Variants in FRMD3 observed in about 807,000 individuals in gnomAD.
The protein encoded by FRMD3 is FERM domain containing 3.
A neutral mutation model predicts 70.2 loss-of-function variants in FRMD3; 33 were observed. The observed-to-expected ratio is 0.47, with a 90% CI of 0.36 to 0.63. The LOEUF (loss-of-function observed/expected upper bound fraction) is 0.63, where lower values mean the gene tolerates loss of function less well. Ranked by LOEUF, FRMD3 falls within the 20% of genes least tolerant of loss-of-function variation. FRMD3 has a pLI of 0.00. For synonymous variants in FRMD3, 279 were observed against 255.9 expected (o/e 1.09, Z -0.86); for missense variants, 632 against 711.4 (o/e 0.89, Z 1.27).
rs1417121959 is a variant in FRMD3, at chr9:83,246,192, G to C, written c.*1726C>G. ...GGGTTGGAATGTCATTAGCTAGAGA[G>C]AGCGATTCCAAGTGGGCCCTGTAAC... On this transcript the variant is annotated 3_prime_UTR_variant, in exon 14 of 14. Transcript: ENST00000304195. 3 of 985,058 alleles carry C rather than the reference G, an allele frequency of 3.0e-6. No homozygotes were observed. Among genetic ancestry groups the C allele is most frequent in the Admixed American group, 6.2e-5 (1 of 16,260 alleles). 61.0% of individuals were successfully genotyped at this position (985,058 alleles called of 1,614,324 possible). A position where few individuals can be genotyped will look rare whatever the true frequency, so the allele number is the denominator to read the frequency against.
chr9:83,545,346 GTTTTTTT>G, the FRMD3 span, among the ~76,000 whole-genome samples: 1 of 117,296 alleles, frequency 8.5e-6, no homozygotes, highest in African/African-American at 3.0e-5. Flanking sequence ...GAAAAGTGTT[GTTTTTTT>G]TTGTTTTTTT....
chr9:83,487,374 A>C lies in FRMD3; in HGVS notation c.147+50711T>G, dbSNP rs373576488. Among the ~76,000 whole-genome samples the C allele has an allele frequency of 2.0e-5, 3 of 152,188 alleles. No individual in the cohort carries two copies. In the South Asian group the frequency reaches 6.2e-4, roughly 31 times the overall value. On this transcript the variant is annotated intron_variant, in intron 1 of 13. Transcript: ENST00000304195. The stretch of plus-strand genomic sequence containing the variant: ...CCCCAAAAAACAGCCTATCTCACAG[A>C]ATAAGAAAGAGCTTAAGACTTTCTT...
At chr9:83,556,577 A>G in the FRMD3 span, among the ~76,000 whole-genome samples, 1 of 152,132 alleles carries the variant, frequency 6.6e-6, no homozygotes, top group South Asian at 2.1e-4. Flanking sequence ...TCTGGATATT[A>G]TTTGCTATTA....
chr9:83,334,671 T>C (rs1823517315), intron 6 of FRMD3, among the ~76,000 whole-genome samples: 1 of 152,170 alleles, frequency 6.6e-6, no homozygotes, highest in South Asian at 2.1e-4. Flanking sequence ...AGCTACAGAC[T>C]AGACTACTTG....
chr9:83,507,492 C>G (rs1829212722), intron 1 of FRMD3, among the ~76,000 whole-genome samples: 1 of 149,544 alleles, frequency 6.7e-6, no homozygotes, highest in Admixed American at 6.7e-5. Context: ...AAGGTGAAAC[C>G]CCGTCTCTAC....
intron 1 of FRMD3, among the ~76,000 whole-genome samples, chr9:83,438,685 C>A (rs1827210488): frequency 6.6e-6 from 1 of 152,224 alleles, no homozygotes; most frequent in Non-Finnish European, 1.5e-5. Context: ...CAGGCGTGAG[C>A]CACCGCATCC....
intron 1 of FRMD3, among the ~76,000 whole-genome samples, chr9:83,408,364 T>A (rs75386076): frequency 6.6e-6 from 1 of 151,690 alleles, no homozygotes; most frequent in Non-Finnish European, 1.5e-5. Context: ...AAAAAAAAAA[T>A]ATCACAAACA....
intron 1 of FRMD3, among the ~76,000 whole-genome samples, chr9:83,513,488 G>T (rs1343525935): frequency 1.3e-5 from 2 of 152,220 alleles, no homozygotes; most frequent in African/African-American, 4.8e-5. Flanking sequence ...AAGAGAAACT[G>T]CTGATTAAAA....
the FRMD3 span, among the ~76,000 whole-genome samples, chr9:83,577,855 G>A: frequency 5.9e-5 from 9 of 151,732 alleles, no homozygotes; most frequent in African/African-American, 1.7e-4. Flanking sequence ...AATAAATGGA[G>A]ACCAGAAAAT....
intron 1 of FRMD3, among the ~76,000 whole-genome samples, chr9:83,521,262 TAACTA>T (rs1829566107): frequency 6.6e-6 from 1 of 152,162 alleles, no homozygotes; most frequent in African/African-American, 2.4e-5. Context: ...TTTAAAACCT[TAACTA>T]AAGAACTGGC....
chr9:83,468,495 T>C (rs1025889353), intron 1 of FRMD3, among the ~76,000 whole-genome samples: 3 of 152,288 alleles, frequency 2.0e-5, no homozygotes, highest in South Asian at 2.1e-4. Context: ...GTGAGGTCAA[T>C]TGAGTCGGAC....
At chr9:83,438,934 G>T (rs558665262) in intron 1 of FRMD3, among the ~76,000 whole-genome samples, 4 of 152,198 alleles carry the variant, frequency 2.6e-5, no homozygotes, top group Non-Finnish European at 5.9e-5. Context: ...TCTCTCCAGA[G>T]AAAGAAAACC....
At chr9:83,291,681 C>T (rs1834424944) in intron 12 of FRMD3, among the ~76,000 whole-genome samples, 1 of 152,140 alleles carries the variant, frequency 6.6e-6, no homozygotes, top group African/African-American at 2.4e-5. Flanking sequence ...TACTGATCAT[C>T]CCCACCTAGA....
At chr9:83,493,513 G>C (rs868121856) in intron 1 of FRMD3, among the ~76,000 whole-genome samples, 1 of 152,232 alleles carries the variant, frequency 6.6e-6, no homozygotes, top group Non-Finnish European at 1.5e-5. Flanking sequence ...CCTTACAGTT[G>C]ATACCTATGA....
chr9:83,311,850 G>A (rs1323399024), intron 8 of FRMD3, 37 bp downstream of exon 8: 3 of 1,447,608 alleles, frequency 2.1e-6, no homozygotes, highest in Admixed American at 3.5e-5. Context: ...TCAAGATTAA[G>A]AAAAATGGAA....
At chr9:83,453,665 A>C (rs1451265063) in intron 1 of FRMD3, among the ~76,000 whole-genome samples, 1 of 150,944 alleles carries the variant, frequency 6.6e-6, no homozygotes, top group Admixed American at 6.6e-5. Flanking sequence ...AATTTTTTAG[A>C]TTGGGTTAAT....
At chr9:83,440,663 G>A (rs1169185933) in intron 1 of FRMD3, among the ~76,000 whole-genome samples, 2 of 152,248 alleles carry the variant, frequency 1.3e-5, no homozygotes. Flanking sequence ...GTGTAACAGA[G>A]AGGGAAGCAC....
intron 1 of FRMD3, among the ~76,000 whole-genome samples, chr9:83,463,248 C>A (rs1420577075): frequency 2.0e-5 from 3 of 152,092 alleles, no homozygotes; most frequent in African/African-American, 7.2e-5. Flanking sequence ...ATAGTTTCTC[C>A]CTGTCTCTCA....
At chr9:83,305,702 G>T (rs1835103011) in intron 10 of FRMD3, among the ~76,000 whole-genome samples, 1 of 152,340 alleles carries the variant, frequency 6.6e-6, no homozygotes, top group Non-Finnish European at 1.5e-5. Flanking sequence ...AACAAGGATG[G>T]TTATGGGATA....
Sources: allele counts gnomAD v4.1 joint callset (sites outside exome capture counted in the v4.1 genomes callset), GRCh38; gene constraint gnomAD v4.1.1; transcripts MANE v1.5; gene names NCBI Gene and HGNC (gene_info 2026-07-23, HGNC 2026-07-21).